Variants in RBBP5 observed in about 807,000 individuals in gnomAD.
RBBP5 encodes the protein retinoblastoma-binding protein 5.
Under a neutral mutation model 72.2 loss-of-function variants are expected in RBBP5, and 5 were observed. The observed-to-expected ratio is 0.07, with a 90% CI of 0.04 to 0.15. The LOEUF (loss-of-function observed/expected upper bound fraction) is 0.15. RBBP5 is among the 10% of genes least tolerant of loss of function. The pLI is 1.00. For missense variants in RBBP5, 322 were observed against 652.2 expected, an observed-to-expected ratio of 0.49 and a Z score of 5.51; for synonymous variants, 209 against 237.2, an observed-to-expected ratio of 0.88 and a Z score of 1.09.
At chr1:205,110,819 T>G (rs1420963927) in intron 3 of RBBP5, among the ~76,000 whole-genome samples, 1 of 152,222 alleles carries the variant, frequency 6.6e-6, no homozygotes, top group Admixed American at 6.5e-5. Flanking sequence ...ATCTTGGCAC[T>G]TTGGGAGGCC....
At chr1:205,120,369 G>C (rs1656690369) in intron 1 of RBBP5, among the ~76,000 whole-genome samples, 1 of 152,106 alleles carries the variant, frequency 6.6e-6, no homozygotes, top group Non-Finnish European at 1.5e-5. Context: ...ACACAAAATA[G>C]ATGGCACCGA....
At chr1:205,101,863 T>C (rs529797209) in intron 5 of RBBP5, among the ~76,000 whole-genome samples, 154 bp from the exon 6 acceptor site, 1 of 152,228 alleles carries the variant, frequency 6.6e-6, no homozygotes, top group African/African-American at 2.4e-5. Flanking sequence ...GCTGTTTTGC[T>C]TCCTTAAGTA....
At chr1:205,115,128 G>A (rs560615143) in intron 2 of RBBP5, among the ~76,000 whole-genome samples, 167 bp from the exon 3 acceptor site, 2 of 151,966 alleles carry the variant, frequency 1.3e-5, no homozygotes, top group Non-Finnish European at 2.9e-5. Flanking sequence ...CCAAAATGAA[G>A]GAACATTTAT....
At chr1:205,114,681 G>T in intron 3 of RBBP5, 108 bp downstream of exon 3, 1 of 1,074,386 alleles carries the variant, frequency 9.3e-7, no homozygotes, top group Non-Finnish European at 1.3e-6. Flanking sequence ...ATTACTAATG[G>T]CTGAATATTT....
chr1:205,092,951 G>A (rs1346176123), intron 13 of RBBP5, among the ~76,000 whole-genome samples: 2 of 152,156 alleles, frequency 1.3e-5, no homozygotes, highest in Non-Finnish European at 2.9e-5. Context: ...GTCCTAAAGT[G>A]TTTTAATTAA....
intron 1 of RBBP5, chr1:205,116,098 CTA>C (rs762494320): frequency 1.1e-6 from 1 of 895,876 alleles, no homozygotes. Flanking sequence ...TTTCCTGAGA[CTA>C]TATGACCTGG....
intron 2 of RBBP5, among the ~76,000 whole-genome samples, chr1:205,115,258 A>G (rs1056643793): frequency 1.2e-4 from 18 of 152,340 alleles, no homozygotes; most frequent in Admixed American, 2.6e-4. Context: ...TTAAAAAGTC[A>G]TATCTATTGA....
At chr1:205,094,778 G>T (rs1369472788) in intron 13 of RBBP5, 95 bp downstream of exon 13, 2 of 1,312,650 alleles carry the variant, frequency 1.5e-6, no homozygotes, top group South Asian at 1.5e-5. Flanking sequence ...AACGAGGGAA[G>T]AGAGGGGGAA....
intron 13 of RBBP5, among the ~76,000 whole-genome samples, chr1:205,089,667 T>A (rs1374284533): frequency 6.6e-6 from 1 of 152,212 alleles, no homozygotes; most frequent in Non-Finnish European, 1.5e-5. Flanking sequence ...TATATTCACA[T>A]GTGCCTGAGA....
At chr1:205,090,765 C>T (rs2151213838) in intron 13 of RBBP5, among the ~76,000 whole-genome samples, 1 of 152,132 alleles carries the variant, frequency 6.6e-6, no homozygotes, top group South Asian at 2.1e-4. Context: ...TGATTTCAAA[C>T]CCTACCTTAG....
At position 205,103,082 on chromosome 1, in the gene RBBP5, C is replaced by T. The variant is rs188150042; in HGVS notation, c.522+775G>A. ...CGGCACTTTAGGAGGCTGAGGTGGG[C>T]GGATCACTTGAGGTCAGGAGTAATT... On this transcript the variant is annotated intron_variant, in intron 5 of 13. Coordinates refer to ENST00000264515, the MANE Select transcript of RBBP5 (RefSeq NM_005057.4). Among the ~76,000 whole-genome samples the T allele has an allele frequency of 6.7e-4, 101 of 149,704 alleles. 1 individual carries two copies. Among genetic ancestry groups the T allele is most frequent in the African/African-American group, 2.4e-3 (96 of 40,630 alleles).
chr1:205,088,630 T>C lies in RBBP5; in HGVS notation c.*157A>G. Reference sequence around the variant, plus strand: ...AGGTCGTATACTCTTCTTCCATAATTCACTTCTTCATTTAAACATAAAATT... The same window carrying C: ...AGGTCGTATACTCTTCTTCCATAATCCACTTCTTCATTTAAACATAAAATT... On this transcript the variant is annotated 3_prime_UTR_variant, in exon 14 of 14. Coordinates refer to ENST00000264515, the MANE Select transcript of RBBP5 (RefSeq NM_005057.4). The C allele has an allele frequency of 2.9e-6, 2 of 678,000 alleles. No individual in the cohort carries two copies. The highest frequency in any genetic ancestry group is 1.8e-5 in the South Asian group (1 of 54,816). 42.0% of individuals were successfully genotyped at this position (678,000 alleles called of 1,614,324 possible).
intron 3 of RBBP5, among the ~76,000 whole-genome samples, 195 bp from the exon 4 acceptor site, chr1:205,105,363 A>G (rs1656014719): frequency 6.6e-6 from 1 of 152,156 alleles, no homozygotes; most frequent in Non-Finnish European, 1.5e-5. Context: ...ACATTTTACT[A>G]TCTAGTAATG....
chr1:205,094,914 G>T lies in RBBP5; in HGVS notation c.1547C>A (p.Ala516Glu). Residue 516 changes from alanine to glutamate, a missense_variant, in exon 13 of 14, where the codon GCG becomes GAG. Ala to Glu is a moderately radical substitution (Grantham distance 107). Transcript: ENST00000264515. ...GAGTTCCGCCTGCACTTTACCCTTC[G>T]CTGATCCTTCCAGAGGTAAACCTCT... is the stretch of plus-strand genomic sequence containing the variant. ...GDRGLPLEGSAKGKVQAELSQ... is the reference protein window; with the variant it reads ...GDRGLPLEGSEKGKVQAELSQ... 6.2e-7 allele frequency: 1 copy of T among 1,614,144 alleles called. No individual in the cohort carries two copies. The highest frequency in any genetic ancestry group is 8.5e-7 in the Non-Finnish European group (1 of 1,180,024).
chr1:205,112,322 A>T (rs182960437), intron 3 of RBBP5, among the ~76,000 whole-genome samples: 1 of 152,208 alleles, frequency 6.6e-6, no homozygotes, highest in South Asian at 2.1e-4. Context: ...TGTCTCAAAA[A>T]AATTAAAATA....
intron 12 of RBBP5, 60 bp downstream of exon 12, chr1:205,096,622 G>T: frequency 1.4e-6 from 2 of 1,477,848 alleles, no homozygotes; most frequent in Non-Finnish European, 1.9e-6. Context: ...ACCAGGTTGC[G>T]CTGGGGAGTG....
intron 5 of RBBP5, among the ~76,000 whole-genome samples, chr1:205,103,289 GT>G (rs1429942897): frequency 3.3e-5 from 5 of 149,998 alleles, no homozygotes; most frequent in Admixed American, 6.6e-5. Context: ...ACTAACCCAT[GT>G]GCCACAGTCA....
At chr1:205,101,839 G>A in intron 5 of RBBP5, 130 bp from the exon 6 acceptor site, 1 of 567,634 alleles carries the variant, frequency 1.8e-6, no homozygotes, top group Non-Finnish European at 3.0e-6. Flanking sequence ...TATTTGACCT[G>A]ATTAACTGGT....
chr1:205,104,476 C>T (rs1362160965), intron 4 of RBBP5, among the ~76,000 whole-genome samples: 5 of 151,852 alleles, frequency 3.3e-5, no homozygotes, highest in African/African-American at 1.2e-4. Flanking sequence ...TAAGCTGAGA[C>T]TGTGCCATTG....
Sources: allele counts gnomAD v4.1 joint callset (sites outside exome capture counted in the v4.1 genomes callset), GRCh38; gene constraint gnomAD v4.1.1; transcripts MANE v1.5; gene names NCBI Gene and HGNC (gene_info 2026-07-23, HGNC 2026-07-21).